Variants in PITRM1 observed in about 807,000 individuals in gnomAD.
PITRM1 encodes the protein pitrilysin metallopeptidase 1.
Under a neutral mutation model 129.9 loss-of-function variants are expected in PITRM1, and 100 were observed. That is an observed-to-expected ratio of 0.77 (90% confidence interval 0.65 to 0.91). PITRM1 has a LOEUF of 0.91. PITRM1 is among the 40% of genes least tolerant of loss of function. The probability of loss-of-function intolerance (pLI) is 0.00; values close to 1 mark genes in which losing one functional copy is unlikely to be tolerated. For missense variants in PITRM1, 1,471 were observed against 1,318.3 expected, an observed-to-expected ratio of 1.12 and a Z score of -1.79; for synonymous variants, 591 against 508.8, an observed-to-expected ratio of 1.16 and a Z score of -2.17.
At chr10:3,159,729 C>G (rs746046371) in intron 9 of PITRM1, 119 bp downstream of exon 9, 17 of 579,920 alleles carry the variant, frequency 2.9e-5, no homozygotes, top group Non-Finnish European at 4.9e-5. Flanking sequence ...TCCACTTAAC[C>G]CCTGAATCCT....
At chr10:3,163,935 C>T (rs775721541) in intron 6 of PITRM1, 50 bp from the exon 7 acceptor site, 36 of 1,292,946 alleles carry the variant, frequency 2.8e-5, no homozygotes, top group African/African-American at 2.1e-4. Flanking sequence ...AAATAATACA[C>T]ACGTTACATT....
chr10:3,170,324 T>C (rs1588732712), intron 1 of PITRM1, 118 bp from the exon 2 acceptor site: 1 of 696,628 alleles, frequency 1.4e-6, no homozygotes, highest in Admixed American at 2.8e-5. Context: ...AAATTAAATA[T>C]TGCATCTTCC....
At chr10:3,169,858 T>C (rs1843191265) in intron 2 of PITRM1, among the ~76,000 whole-genome samples, 1 of 152,222 alleles carries the variant, frequency 6.6e-6, no homozygotes, top group South Asian at 2.1e-4. Flanking sequence ...GAGACCCAGC[T>C]GGAAGTGTTA....
At position 3,155,547 on chromosome 10, in the gene PITRM1, G is replaced by A. The variant is rs141549097; in HGVS notation, c.1621+44C>T. 139 of 1,609,484 alleles carry A rather than the reference G, an allele frequency of 8.6e-5. No homozygotes were observed. The African/African-American group carries it at 1.3e-3, about 15-fold the overall frequency. The stretch of plus-strand genomic sequence containing the variant: ...ACTCACTAACAAGTCCACTAGGCCC[G>A]AGTGCAGGTTAGGGACTCGCCAGCT... On this transcript the variant is annotated intron_variant, in intron 14 of 26. Transcript: ENST00000224949.
At chr10:3,148,973 A>G (rs971685118) in intron 16 of PITRM1, 3 of 152,320 alleles carry the variant, frequency 2.0e-5, no homozygotes, top group African/African-American at 7.2e-5. Context: ...TCACAGCCAC[A>G]TAGCTTTCTG....
intron 18 of PITRM1, 106 bp from the exon 19 acceptor site, chr10:3,147,843 AT>A: frequency 8.2e-7 from 1 of 1,225,108 alleles, no homozygotes; most frequent in East Asian, 2.4e-5. Flanking sequence ...AACCAAAGAA[AT>A]TTTATAAGTC....
intron 23 of PITRM1, among the ~76,000 whole-genome samples, chr10:3,142,201 G>A (rs995860712): frequency 3.9e-5 from 6 of 152,174 alleles, no homozygotes; most frequent in African/African-American, 1.4e-4. Flanking sequence ...CTACAAATAT[G>A]GAAATAAATG....
rs1317695018 is a variant in PITRM1, at chr10:3,151,376, C to A, written c.1622-13G>T. 9.3e-7 allele frequency: 1 copy of A among 1,070,894 alleles called. No homozygotes were observed. The highest frequency in any genetic ancestry group is 1.7e-5 in the African/African-American group (1 of 59,836). 66.3% of individuals were successfully genotyped at this position (1,070,894 alleles called of 1,614,324 possible). On this transcript the variant is annotated splice_polypyrimidine_tract_variant and intron_variant, in intron 14 of 26. Transcript: ENST00000224949. ...CGTAATTCTAGACCTAAAAAAGAAA[C>A]AAGAAAAAGGAATATTCAGGGCCAT... is the stretch of plus-strand genomic sequence containing the variant.
chr10:3,166,305 A>C lies in PITRM1; in HGVS notation c.342T>G (p.Ser114=), dbSNP rs1842855856. The C allele has an allele frequency of 6.2e-7, 1 of 1,613,434 alleles. No individual in the cohort carries two copies. Among genetic ancestry groups the C allele is most frequent in the Admixed American group, 1.7e-5 (1 of 59,994 alleles). The change falls in exon 4 of 27, where the codon TCT becomes TCG. Residue 114 remains serine (S), a synonymous_variant. Transcript: ENST00000224949. ...AAGGGTCTCTGCACGGATATTTCTG[A>C]GACCCACAAAGGACGGTATGCTCAA... is the stretch of plus-strand genomic sequence containing the variant. ...HILEHTVLCG[S]QKYPCRDPFF...
chr10:3,144,356 G>T lies in PITRM1; in HGVS notation c.2468C>A (p.Pro823His). ...VRPHTVEKPV[P>H]SSSGGDAHVP... ...GTGGGCATCTCCACCAGAGCTGCTG[G>T]GCACAGGTTTCTGAAAATCAAGTTT... The change falls in exon 22 of 27, where the codon CCC becomes CAC. Residue 823 changes from proline to histidine, a missense_variant. Pro to His is a moderately conservative substitution (Grantham distance 77). Transcript: ENST00000224949. The T allele has an allele frequency of 1.9e-6, 3 of 1,553,700 alleles. No individual in the cohort carries two copies. Among genetic ancestry groups the T allele is most frequent in the Non-Finnish European group, 2.6e-6 (3 of 1,146,896 alleles).
At chr10:3,172,182 C>G (rs1250637016) in intron 1 of PITRM1, 1 of 456,510 alleles carries the variant, frequency 2.2e-6, no homozygotes, top group Non-Finnish European at 4.4e-6. Flanking sequence ...GAACTATTAC[C>G]TTATATTAAA....
chr10:3,151,106 G>A, intron 15 of PITRM1, 141 bp downstream of exon 15: 1 of 662,698 alleles, frequency 1.5e-6, no homozygotes, highest in South Asian at 1.6e-5. Flanking sequence ...GAATCGTGTA[G>A]AGCGAGACTA....
At position 3,163,915 on chromosome 10, in the gene PITRM1, T is replaced by C. The variant is rs745919620; in HGVS notation, c.631-30A>G. On this transcript the variant is annotated intron_variant, in intron 6 of 26. Transcript: ENST00000224949. The stretch of plus-strand genomic sequence containing the variant: ...AAACGTAAAATAAATAAATCATAAG[T>C]ATACATGTAAAATAATACACACGTT... 12 of 1,509,566 alleles carry C rather than the reference T, an allele frequency of 7.9e-6. No homozygotes were observed. In the South Asian group the frequency reaches 1.3e-4, roughly 17 times the overall value. The allele number at this position is 1,509,566 out of a possible 1,614,324, so 93.5% of individuals were successfully genotyped here. A position where few individuals can be genotyped will look rare whatever the true frequency, so the allele number is the denominator to read the frequency against.
chr10:3,140,547 G>C (rs1840081773), intron 24 of PITRM1, 140 bp downstream of exon 24: 1 of 729,946 alleles, frequency 1.4e-6, no homozygotes, highest in South Asian at 1.9e-5. Context: ...GTGTGGCTAA[G>C]TGCCCAAGGA....
At chr10:3,151,611 G>C (rs1290604587) in intron 14 of PITRM1, among the ~76,000 whole-genome samples, 1 of 152,184 alleles carries the variant, frequency 6.6e-6, no homozygotes, top group East Asian at 1.9e-4. Context: ...AATTCTGCTA[G>C]GAAGTGGTGG....
At position 3,152,295 on chromosome 10, in the gene PITRM1, C is replaced by T. The variant is rs143229343; in HGVS notation, c.1622-932G>A. ...TCAGTGAAGCGGCTTCACAGTGCTA[C>T]ACCGAGCCAAGCAAGTATACAAATG... On this transcript the variant is annotated intron_variant, in intron 14 of 26. Transcript: ENST00000224949. 1.7e-3 allele frequency among the ~76,000 whole-genome samples: 264 copies of T among 152,304 alleles called. 1 individual carries two copies. The highest frequency in any genetic ancestry group is 5.6e-3 in the African/African-American group (234 of 41,572).
At chr10:3,141,650 G>T (rs922518007) in intron 23 of PITRM1, 2 of 470,412 alleles carry the variant, frequency 4.3e-6, no homozygotes, top group Non-Finnish European at 8.8e-6. Flanking sequence ...GACAATGATG[G>T]GAGGGTCTGC....
intron 7 of PITRM1, among the ~76,000 whole-genome samples, chr10:3,162,371 A>G (rs559061434): frequency 9.2e-5 from 14 of 152,228 alleles, no homozygotes; most frequent in Non-Finnish European, 1.6e-4. Context: ...TTACAGAACT[A>G]GAAAACTTCG....
At position 3,137,978 on chromosome 10, in the gene PITRM1, C is replaced by G. The variant is rs1329039334; in HGVS notation, c.*53G>C. 2.0e-6 allele frequency: 2 copies of G among 1,014,368 alleles called. No individual in the cohort carries two copies. Among genetic ancestry groups the G allele is most frequent in the Non-Finnish European group, 3.0e-6 (2 of 666,658 alleles). 62.8% of individuals were successfully genotyped at this position (1,014,368 alleles called of 1,614,324 possible). On this transcript the variant is annotated 3_prime_UTR_variant, in exon 27 of 27. Coordinates refer to ENST00000224949, the MANE Select transcript of PITRM1 (RefSeq NM_014889.4). Reference sequence around the variant, plus strand: ...AGTAGCATTTCTGACTTTTCATATTCAGCTCGGAGGTGTATTGTCTCGGGC... The same window carrying G: ...AGTAGCATTTCTGACTTTTCATATTGAGCTCGGAGGTGTATTGTCTCGGGC...
Sources: gnomAD v4.1 joint callset for allele counts (sites outside exome capture counted in the v4.1 genomes callset) on GRCh38, gnomAD v4.1.1 for gene constraint, MANE v1.5 for transcripts, NCBI Gene and HGNC (gene_info 2026-07-23, HGNC 2026-07-21) for gene names.